AUTS2: variants seen among roughly 807,000 people sequenced by gnomAD.
AUTS2 encodes activator of transcription and developmental regulator AUTS2.
A neutral mutation model predicts 112.4 loss-of-function variants in AUTS2; 17 were observed. The observed-to-expected ratio is 0.15, with a 90% CI of 0.10 to 0.23. The LOEUF (loss-of-function observed/expected upper bound fraction) is 0.23, where lower values mean the gene tolerates loss of function less well. Among genes scored for constraint, AUTS2 ranks in the 10% least tolerant of loss-of-function variants. AUTS2 has a pLI of 1.00. For missense variants in AUTS2, 1,510 were observed against 1,701.6 expected, an observed-to-expected ratio of 0.89 and a Z score of 1.98; for synonymous variants, 751 against 702.7, an observed-to-expected ratio of 1.07 and a Z score of -1.09.
intron 5 of AUTS2, among the ~76,000 whole-genome samples, chr7:70,619,307 G>A (rs1245129873): frequency 6.6e-6 from 1 of 152,188 alleles, no homozygotes; most frequent in Non-Finnish European, 1.5e-5. Context: ...AAAGGCAGAC[G>A]GGGCGCGGGA....
chr7:70,774,246 A>G (rs1167342414), intron 12 of AUTS2, 147 bp downstream of exon 12: 5 of 720,074 alleles, frequency 6.9e-6, no homozygotes, highest in East Asian at 2.7e-5. Context: ...GAAAATGCCA[A>G]TTACTCTTAG....
chr7:69,671,103 G>C (rs1220679060), intron 1 of AUTS2, among the ~76,000 whole-genome samples: 1 of 152,196 alleles, frequency 6.6e-6, no homozygotes, highest in Non-Finnish European at 1.5e-5. Context: ...TAGTGGACAG[G>C]TGTGTGAGTT....
At chr7:70,085,445 A>G (rs1259840155) in intron 2 of AUTS2, among the ~76,000 whole-genome samples, 1 of 151,356 alleles carries the variant, frequency 6.6e-6, no homozygotes, top group African/African-American at 2.4e-5. Flanking sequence ...GGCTCACTGC[A>G]ACCTCCGCCT....
intron 4 of AUTS2, among the ~76,000 whole-genome samples, chr7:70,177,302 T>C (rs987774756): frequency 1.3e-5 from 2 of 152,156 alleles, no homozygotes; most frequent in Non-Finnish European, 2.9e-5. Flanking sequence ...ATTTTTCTAG[T>C]GAGGAGCCTG....
chr7:70,183,944 G>A (rs1809466865), intron 4 of AUTS2, among the ~76,000 whole-genome samples: 1 of 150,982 alleles, frequency 6.6e-6, no homozygotes, highest in African/African-American at 2.4e-5. Context: ...AGAATTGAAT[G>A]TAAAGAAGGA....
chr7:70,212,027 T>A (rs547505148), intron 4 of AUTS2, among the ~76,000 whole-genome samples: 3 of 152,180 alleles, frequency 2.0e-5, no homozygotes, highest in African/African-American at 7.2e-5. Flanking sequence ...ACAAATTGAG[T>A]AGACTTTTTT....
chr7:69,599,972 A>G lies in AUTS2; in HGVS notation c.309+10A>G. 1.2e-6 allele frequency: 2 copies of G among 1,610,418 alleles called. No individual in the cohort carries two copies. The highest frequency in any genetic ancestry group is 1.7e-6 in the Non-Finnish European group (2 of 1,178,814). Reference sequence around the variant, plus strand: ...TTTTGAAGCGCTGGAGGTAAGGGGGACCCCCCTTCCCCCGGGTTCCCTTTA... The same window carrying G: ...TTTTGAAGCGCTGGAGGTAAGGGGGGCCCCCCTTCCCCCGGGTTCCCTTTA... On this transcript the variant is annotated intron_variant, in intron 1 of 18. Coordinates refer to ENST00000342771, the MANE Select transcript of AUTS2 (RefSeq NM_015570.4). This position sits in a 1 kb window ranked among gnomAD's most constrained non-coding sequence, Gnocchi z 7.0.
At chr7:69,713,045 C>A (rs543114749) in intron 1 of AUTS2, among the ~76,000 whole-genome samples, 1 of 152,136 alleles carries the variant, frequency 6.6e-6, no homozygotes, top group Admixed American at 6.5e-5. Flanking sequence ...AAATCTTTTG[C>A]CCATGAAAAA....
chr7:70,176,395 C>T, intron 4 of AUTS2, among the ~76,000 whole-genome samples: 1 of 152,164 alleles, frequency 6.6e-6, no homozygotes, highest in East Asian at 1.9e-4. Flanking sequence ...ATTCTTTACA[C>T]TTTTACTCAA....
intron 1 of AUTS2, among the ~76,000 whole-genome samples, chr7:69,876,498 A>G (rs1372849912): frequency 0.41 from 3,298 of 8,076 alleles, 425 homozygotes; most frequent in East Asian, 0.48. Flanking sequence ...ATATATATAT[A>G]TATATATATA....
chr7:70,535,662 G>A (rs1392350669), intron 5 of AUTS2, among the ~76,000 whole-genome samples: 9 of 152,040 alleles, frequency 5.9e-5, no homozygotes, highest in Admixed American at 1.3e-4. Context: ...TGATCCACCC[G>A]CCTCAGCTTC....
chr7:70,400,217 T>C (rs889300489), intron 4 of AUTS2, among the ~76,000 whole-genome samples: 2 of 152,198 alleles, frequency 1.3e-5, no homozygotes, highest in Non-Finnish European at 2.9e-5. Flanking sequence ...AATGACTGTC[T>C]CTGTGTTGTT....
chr7:69,896,997 A>T (rs1020938062), intron 1 of AUTS2, among the ~76,000 whole-genome samples: 1 of 152,206 alleles, frequency 6.6e-6, no homozygotes, highest in Non-Finnish European at 1.5e-5. Flanking sequence ...TGATTTGATT[A>T]GTATTTGTCC....
At chr7:69,722,036 T>C (rs1798973356) in intron 1 of AUTS2, among the ~76,000 whole-genome samples, 1 of 89,528 alleles carries the variant, frequency 1.1e-5, no homozygotes, top group Non-Finnish European at 2.6e-5. Context: ...CAAAAGAGAG[T>C]GCTTAAGGAT....
intron 1 of AUTS2, among the ~76,000 whole-genome samples, chr7:69,750,422 GTATTA>G (rs1325475011): frequency 2.7e-5 from 4 of 148,400 alleles, no homozygotes; most frequent in Non-Finnish European, 4.5e-5. Flanking sequence ...ATTATTAGTA[GTATTA>G]TATTAGTATA....
chr7:69,787,502 C>T (rs1295699497), intron 1 of AUTS2, among the ~76,000 whole-genome samples: 2 of 152,166 alleles, frequency 1.3e-5, no homozygotes, highest in Non-Finnish European at 2.9e-5. Context: ...TTTGGTTTTA[C>T]TAGTCAGGCA....
chr7:70,205,773 C>G (rs1287893136), intron 4 of AUTS2, among the ~76,000 whole-genome samples: 1 of 152,156 alleles, frequency 6.6e-6, no homozygotes, highest in Non-Finnish European at 1.5e-5. Context: ...TAAGGTCACA[C>G]AGTTAACAAG....
intron 5 of AUTS2, among the ~76,000 whole-genome samples, chr7:70,449,082 T>G (rs1796429566): frequency 6.6e-6 from 1 of 152,238 alleles, no homozygotes; most frequent in Non-Finnish European, 1.5e-5. Context: ...ATGTTTAGGC[T>G]TTTGGAATTT....
At chr7:69,840,471 T>C (rs776405517) in intron 1 of AUTS2, among the ~76,000 whole-genome samples, 32 of 152,186 alleles carry the variant, frequency 2.1e-4, no homozygotes, top group Non-Finnish European at 4.4e-4. Flanking sequence ...GATGTGGAGA[T>C]TAGGCAAATA....
Sources: allele counts gnomAD v4.1 joint callset (sites outside exome capture counted in the v4.1 genomes callset), GRCh38; gene constraint gnomAD v4.1.1; non-coding constraint Gnocchi (gnomAD v3.1); transcripts MANE v1.5; gene names NCBI Gene and HGNC (gene_info 2026-07-23, HGNC 2026-07-21).